The following NOMO1 variants were observed in gnomAD, a reference collection of about 807,000 sequenced individuals.
NOMO1 encodes nodal modulator 3.
In NOMO1, 40 loss-of-function variants were observed where a neutral mutation model predicts 133.8. That is an observed-to-expected ratio of 0.30 (90% CI 0.23 to 0.39). The LOEUF is 0.39. Ranked by LOEUF, NOMO1 falls within the 10% of genes least tolerant of loss-of-function variation. The pLI is 1.00. For synonymous variants in NOMO1, 236 were observed against 570.5 expected (o/e 0.41, Z 8.36); for missense variants, 462 against 1,419.9 (o/e 0.33, Z 10.84).
chr16:14,865,949 GAA>G (rs1238530131), intron 14 of NOMO1, among the ~76,000 whole-genome samples: 2 of 123,936 alleles, frequency 1.6e-5, no homozygotes, highest in Non-Finnish European at 3.4e-5. Flanking sequence ...CTGCAAAACT[GAA>G]AAGAGTTACA....
chr16:14,856,747 GGT>G (rs1597098525), intron 9 of NOMO1, among the ~76,000 whole-genome samples: 2 of 151,958 alleles, frequency 1.3e-5, no homozygotes, highest in African/African-American at 4.8e-5. Flanking sequence ...TTCAGGTCGT[GGT>G]GGAAAGACAG....
At chr16:14,884,168 C>T (rs446333) in intron 26 of NOMO1, among the ~76,000 whole-genome samples, 12,880 of 125,036 alleles carry the variant, frequency 0.1, no homozygotes, top group Non-Finnish European at 0.12. Flanking sequence ...ACTGTGCTTT[C>T]GAAATGAAAT....
chr16:14,885,152 G>A (rs1964305150), intron 27 of NOMO1, among the ~76,000 whole-genome samples: 1 of 152,102 alleles, frequency 6.6e-6, no homozygotes, highest in African/African-American at 2.4e-5. Context: ...CCACCCCAAA[G>A]ATCCGATCAT....
At chr16:14,856,341 GCACAGACACAGA>G (rs895915869) in intron 9 of NOMO1, among the ~76,000 whole-genome samples, 1 of 152,090 alleles carries the variant, frequency 6.6e-6, no homozygotes, top group Non-Finnish European at 1.5e-5. Context: ...GGCGAGTGGG[GCACAGACACAGA>G]CACAGACACA....
intron 11 of NOMO1, chr16:14,862,477 T>G (rs1450167102): frequency 6.4e-6 from 1 of 157,002 alleles, no homozygotes; most frequent in Admixed American, 6.1e-5. Context: ...TTTTTTAACT[T>G]AATTACCTTT....
chr16:14,879,056 C>T (rs1171648847), intron 23 of NOMO1, among the ~76,000 whole-genome samples: 3 of 151,834 alleles, frequency 2.0e-5, no homozygotes, highest in Non-Finnish European at 4.4e-5. Context: ...TTCTGATCAC[C>T]CACTTGTCAC....
At chr16:14,874,794 C>T (rs1857686631) in intron 18 of NOMO1, among the ~76,000 whole-genome samples, 2 of 151,884 alleles carry the variant, frequency 1.3e-5, no homozygotes, top group South Asian at 2.1e-4. Flanking sequence ...TATATCCAGT[C>T]GCCATAAAAT....
At chr16:14,889,541 A>AAC (rs1555528419) in intron 29 of NOMO1, among the ~76,000 whole-genome samples, 1 of 149,730 alleles carries the variant, frequency 6.7e-6, no homozygotes, top group African/African-American at 2.5e-5. Context: ...CCAGAAGAAA[A>AAC]AAAACAAAAC....
chr16:14,877,721 C>T (rs1396823340), intron 22 of NOMO1, among the ~76,000 whole-genome samples: 2 of 148,998 alleles, frequency 1.3e-5, no homozygotes, highest in African/African-American at 4.9e-5. Context: ...CACTGTTTTG[C>T]AGGGATTAGA....
At chr16:14,870,913 C>G (rs1964072349) in intron 16 of NOMO1, among the ~76,000 whole-genome samples, 1 of 149,104 alleles carries the variant, frequency 6.7e-6, no homozygotes, top group Admixed American at 6.7e-5. Flanking sequence ...AAAGACCAAA[C>G]AAAACAAACA....
chr16:14,894,752 G>A (rs549426625), intron 29 of NOMO1, among the ~76,000 whole-genome samples: 1 of 21,798 alleles, frequency 4.6e-5, no homozygotes, highest in South Asian at 8.3e-4. Context: ...CCTTGTCATT[G>A]GAATCTCTTT....
At chr16:14,871,526 A>G in intron 16 of NOMO1, 95 bp from the exon 17 acceptor site, 1 of 1,584,018 alleles carries the variant, frequency 6.3e-7, no homozygotes, top group Non-Finnish European at 8.6e-7. Context: ...TTGAGTTTTC[A>G]CATGCAAAGA....
chr16:14,890,060 CTT>C (rs1445115788), intron 29 of NOMO1, among the ~76,000 whole-genome samples: 6 of 125,796 alleles, frequency 4.8e-5, no homozygotes, highest in South Asian at 3.1e-4. Flanking sequence ...AGAAACTTAA[CTT>C]ATCGCTTAAT....
intron 18 of NOMO1, among the ~76,000 whole-genome samples, chr16:14,873,308 TC>T (rs1334663735): frequency 1.6e-5 from 2 of 128,288 alleles, no homozygotes; most frequent in African/African-American, 5.3e-5. Context: ...TCCTGAAAGG[TC>T]CCCCTATTGG....
rs531919103 is a variant in NOMO1 at position 14,855,373 on chromosome 16, C to A, written c.963+1347C>A. Among the ~76,000 whole-genome samples, 1,213 of 151,262 alleles carry A rather than the reference C, an allele frequency of 8.0e-3. 25 individuals carry two copies. Among genetic ancestry groups the A allele is most frequent in the African/African-American group, 0.028 (1,156 of 40,942 alleles). ...GAAAATGGTTACTGTAGAAAATTGG[C>A]TAGCTAGAACAAATCCCAAAAGAAA... On this transcript the variant is annotated intron_variant, in intron 9 of 30. Transcript: ENST00000287667.
intron 29 of NOMO1, among the ~76,000 whole-genome samples, chr16:14,894,247 C>G (rs1276329826): frequency 3.3e-5 from 5 of 152,102 alleles, no homozygotes; most frequent in Non-Finnish European, 7.3e-5. Flanking sequence ...TTGCGCTGTT[C>G]CAGTGCATTG....
At position 14,866,630 on chromosome 16, in the gene NOMO1, C is replaced by T. The variant is rs1212869644; in HGVS notation, c.1745C>T (p.Ala582Val). The T allele has an allele frequency of 6.2e-7, 1 of 1,609,694 alleles. No homozygotes were observed. Among genetic ancestry groups the T allele is most frequent in the African/African-American group, 1.4e-5 (1 of 73,394 alleles). ...EVEVLEDDMS[A>V]VEFRQTGYML... The stretch of plus-strand genomic sequence containing the variant: ...GAAGTGCTGGAGGATGACATGTCTG[C>T]AGTTGAGTTCAGGCAGACGGGCTAC... Residue 582 changes from alanine (A) to valine (V), a missense_variant, in exon 15 of 31, where the codon GCA (alanine) becomes GTA (valine). Coordinates refer to ENST00000287667, the MANE Select transcript of NOMO1 (RefSeq NM_014287.4).
chr16:14,856,413 T>C (rs1963836245), intron 9 of NOMO1, among the ~76,000 whole-genome samples: 1 of 151,380 alleles, frequency 6.6e-6, no homozygotes, highest in African/African-American at 2.4e-5. Flanking sequence ...AGGAGGGTGG[T>C]CTAGGTGGAT....
At chr16:14,835,501 GAA>G (rs1963492596) in intron 1 of NOMO1, among the ~76,000 whole-genome samples, 1 of 149,576 alleles carries the variant, frequency 6.7e-6, no homozygotes, top group South Asian at 2.2e-4. Flanking sequence ...TGGAAGGAAG[GAA>G]AAGACAGGCA....
Sources: allele counts gnomAD v4.1 joint callset (sites outside exome capture counted in the v4.1 genomes callset), GRCh38; gene constraint gnomAD v4.1.1; transcripts MANE v1.5; gene names NCBI Gene and HGNC (gene_info 2026-07-23, HGNC 2026-07-21).